The following CSMD1 variants were observed in gnomAD, a reference collection of about 807,000 sequenced individuals.
CSMD1 encodes CUB and Sushi multiple domains 1, also known as CUB and sushi domain-containing protein 1.
In CSMD1, 213 loss-of-function variants were observed where a neutral mutation model predicts 417.5. That is an observed-to-expected ratio of 0.51 (90% CI 0.46 to 0.57). The LOEUF (loss-of-function observed/expected upper bound fraction) is 0.57. Among genes scored for constraint, CSMD1 ranks in the 20% least tolerant of loss-of-function variants. The probability of loss-of-function intolerance (pLI) is 0.00; values close to 1 mark genes in which losing one functional copy is unlikely to be tolerated. For synonymous variants in CSMD1, 2,862 were observed against 1,736.8 expected (o/e 1.65, Z -16.11); for missense variants, 6,923 against 4,529.7 (o/e 1.53, Z -15.17).
At chr8:4,264,452 A>G (rs1467395861) in intron 3 of CSMD1, among the ~76,000 whole-genome samples, 3 of 152,230 alleles carry the variant, frequency 2.0e-5, no homozygotes, top group African/African-American at 7.2e-5. Flanking sequence ...TTACTGGTAC[A>G]CAAATTTGCA....
At chr8:3,864,404 G>A (rs953389790) in intron 5 of CSMD1, among the ~76,000 whole-genome samples, 1 of 152,128 alleles carries the variant, frequency 6.6e-6, no homozygotes, top group African/African-American at 2.4e-5. Flanking sequence ...CAAAGATGAA[G>A]GTGAGAAAAA....
chr8:4,457,958 C>A (rs1360393546), intron 2 of CSMD1, among the ~76,000 whole-genome samples: 1 of 152,116 alleles, frequency 6.6e-6, no homozygotes, highest in South Asian at 2.1e-4. Flanking sequence ...GCAGAAAAAC[C>A]CAGATGTACT....
At chr8:3,913,934 T>C (rs1468474717) in intron 5 of CSMD1, among the ~76,000 whole-genome samples, 1 of 151,858 alleles carries the variant, frequency 6.6e-6, no homozygotes, top group African/African-American at 2.4e-5. Context: ...CTCAAATAAA[T>C]TAACGATCAC....
intron 28 of CSMD1, among the ~76,000 whole-genome samples, chr8:3,222,461 A>G (rs1040718478): frequency 6.6e-6 from 1 of 152,002 alleles, no homozygotes. Flanking sequence ...AGGAATACAC[A>G]AGCACACCAA....
At chr8:3,512,846 T>G (rs1797133839) in intron 10 of CSMD1, among the ~76,000 whole-genome samples, 1 of 152,020 alleles carries the variant, frequency 6.6e-6, no homozygotes, top group African/African-American at 2.4e-5. Flanking sequence ...TCCGCCCACC[T>G]CGGCCTCCCA....
At chr8:3,329,594 C>G (rs1325077340) in intron 23 of CSMD1, among the ~76,000 whole-genome samples, 1 of 152,166 alleles carries the variant, frequency 6.6e-6, no homozygotes, top group Non-Finnish European at 1.5e-5. Flanking sequence ...TTCTCATGTA[C>G]CATGAGTGCG....
chr8:4,759,811 A>C (rs1235191279), intron 1 of CSMD1, among the ~76,000 whole-genome samples: 1 of 152,234 alleles, frequency 6.6e-6, no homozygotes, highest in Non-Finnish European at 1.5e-5. Context: ...CCAGTGTGTC[A>C]CTGATGGACA....
chr8:4,897,994 A>G (rs1040533788), intron 1 of CSMD1, among the ~76,000 whole-genome samples: 1 of 152,140 alleles, frequency 6.6e-6, no homozygotes, highest in Admixed American at 6.5e-5. Flanking sequence ...ACTTTCTTTT[A>G]GCTCTGTACT....
intron 3 of CSMD1, among the ~76,000 whole-genome samples, chr8:4,173,859 C>A (rs1797896574): frequency 6.6e-6 from 1 of 152,176 alleles, no homozygotes; most frequent in South Asian, 2.1e-4. Flanking sequence ...CTTGGGAAGT[C>A]TCTTCTCTCC....
At chr8:3,968,276 A>G (rs1182476400) in intron 5 of CSMD1, among the ~76,000 whole-genome samples, 2 of 152,088 alleles carry the variant, frequency 1.3e-5, no homozygotes, top group African/African-American at 2.4e-5. Flanking sequence ...TATAGGTAGT[A>G]TGAGTATTGC....
chr8:4,308,672 G>A (rs1187431120), intron 3 of CSMD1, among the ~76,000 whole-genome samples: 10 of 152,126 alleles, frequency 6.6e-5, no homozygotes, highest in South Asian at 2.1e-4. Context: ...GAGGCTTTAC[G>A]CAAATATCTG....
chr8:3,816,000 C>T (rs1801347379), intron 5 of CSMD1, among the ~76,000 whole-genome samples: 1 of 152,180 alleles, frequency 6.6e-6, no homozygotes, highest in African/African-American at 2.4e-5. Context: ...CAACATCAAA[C>T]TTAAAAATGG....
chr8:3,936,638 G>T (rs1829856), intron 5 of CSMD1, among the ~76,000 whole-genome samples: 1 of 151,990 alleles, frequency 6.6e-6, no homozygotes, highest in Non-Finnish European at 1.5e-5. Flanking sequence ...CTCAGAAAAA[G>T]ATTCCTTTCT....
chr8:3,463,326 G>T (rs1350454960), intron 12 of CSMD1, among the ~76,000 whole-genome samples: 1 of 152,124 alleles, frequency 6.6e-6, no homozygotes, highest in Non-Finnish European at 1.5e-5. Flanking sequence ...ATTTGTCATA[G>T]ACTTAAGTCA....
In CSMD1 at chr8:4,951,417, T is replaced by TA. The variant is rs1259429770; in HGVS notation, c.85+42914dup. Among the ~76,000 whole-genome samples the TA allele has an allele frequency of 1.1e-4, 15 of 137,998 alleles. No individual in the cohort carries two copies. The East Asian group carries it at 1.3e-3, about 12-fold the overall frequency. 90.5% of individuals were successfully genotyped at this position (137,998 alleles called of 152,430 possible). Reference sequence around the variant, plus strand: ...GTGTGACTCCTTTACTACCTTCTATTAAAAAAAAAGAAAAAGAAAGAAAGA... The same window carrying TA: ...GTGTGACTCCTTTACTACCTTCTATTAAAAAAAAAAGAAAAAGAAAGAAAGA... On this transcript the variant is annotated intron_variant, in intron 1 of 69. Coordinates refer to ENST00000635120, the MANE Select transcript of CSMD1 (RefSeq NM_033225.6).
At chr8:3,284,910 A>G (rs182669780) in intron 25 of CSMD1, among the ~76,000 whole-genome samples, 20 of 152,344 alleles carry the variant, frequency 1.3e-4, no homozygotes, top group Middle Eastern at 3.4e-3. Context: ...CAGAAAGGCA[A>G]AAATGGGTAA....
intron 1 of CSMD1, among the ~76,000 whole-genome samples, chr8:4,967,977 T>C (rs1809992150): frequency 6.6e-6 from 1 of 152,134 alleles, no homozygotes; most frequent in Non-Finnish European, 1.5e-5. Flanking sequence ...GATAGGTAGA[T>C]ATAACATGGT....
intron 1 of CSMD1, among the ~76,000 whole-genome samples, chr8:4,738,222 A>G (rs1469824497): frequency 6.6e-6 from 1 of 152,200 alleles, no homozygotes; most frequent in Non-Finnish European, 1.5e-5. Flanking sequence ...GAATGTCCCT[A>G]CAGTCAAATA....
intron 1 of CSMD1, among the ~76,000 whole-genome samples, chr8:4,909,786 G>C (rs898373765): frequency 1.3e-5 from 2 of 152,040 alleles, no homozygotes; most frequent in South Asian, 2.1e-4. Flanking sequence ...ATTTGTTTTG[G>C]TTGTGACTCT....
Sources: gnomAD v4.1 joint callset for allele counts (sites outside exome capture counted in the v4.1 genomes callset) on GRCh38, gnomAD v4.1.1 for gene constraint, MANE v1.5 for transcripts, NCBI Gene and HGNC (gene_info 2026-07-23, HGNC 2026-07-21) for gene names.